Variants in ACER2 observed in about 807,000 individuals in gnomAD.
ACER2 encodes alkaline ceramidase 2, also known as alkCDase 2.
ACER2 carries 26 observed loss-of-function variants against 34.7 expected under a neutral mutation model. The observed-to-expected ratio is 0.75, with a 90% CI of 0.55 to 1.04. The LOEUF is 1.04. ACER2 is among the 50% of genes least tolerant of loss of function. The probability of loss-of-function intolerance (pLI) is 0.00; values close to 1 mark genes in which losing one functional copy is unlikely to be tolerated. For missense variants in ACER2, 352 were observed against 340.8 expected (o/e 1.03, Z -0.26); for synonymous variants, 138 against 132.1 (o/e 1.04, Z -0.31).
chr9:19,411,695 G>T (rs1445012644), intron 1 of ACER2, among the ~76,000 whole-genome samples: 3 of 152,192 alleles, frequency 2.0e-5, no homozygotes, highest in Non-Finnish European at 4.4e-5. Flanking sequence ...TAATTACCCA[G>T]TTTATAGGAA....
Position 19,409,025 on chromosome 9 carries a change from G to T in ACER2, c.-60G>T, listed in dbSNP as rs1830001843. On this transcript the variant is annotated 5_prime_UTR_variant, in exon 1 of 6. Transcript: ENST00000340967. ...CTGGCTGTCGCCGCGTTTTGCCTCC[G>T]CAGCAGCTCTGGGCTCTTCTCAGCT... 7.1e-7 allele frequency: 1 copy of T among 1,402,458 alleles called. No homozygotes were observed. The highest frequency in any genetic ancestry group is 2.7e-5 in the East Asian group (1 of 37,096). The allele number at this position is 1,402,458 out of a possible 1,614,324, so 86.9% of individuals were successfully genotyped here.
In ACER2 at chr9:19,423,527, C is replaced by A. The variant is rs577940232; in HGVS notation, c.109-335C>A. ...GACCAGCCCGGCCAACATGGTGAAA[C>A]CTCATCTTACTAAAAATACAAAGAT... On this transcript the variant is annotated intron_variant, in intron 1 of 5. Transcript: ENST00000340967. Among the ~76,000 whole-genome samples, 18 of 152,192 alleles carry A rather than the reference C, an allele frequency of 1.2e-4. No individual in the cohort carries two copies. In the South Asian group the frequency reaches 3.3e-3, roughly 28 times the overall value.
At chr9:19,412,646 G>C (rs1025522014) in intron 1 of ACER2, among the ~76,000 whole-genome samples, 10 of 125,274 alleles carry the variant, frequency 8.0e-5, no homozygotes, top group Non-Finnish European at 1.6e-4. Context: ...AACAGAGCAA[G>C]ATTCTGTCTC....
At chr9:19,447,814 CAT>C (rs1430069843) in intron 5 of ACER2, among the ~76,000 whole-genome samples, 1 of 152,010 alleles carries the variant, frequency 6.6e-6, no homozygotes, top group African/African-American at 2.4e-5. Flanking sequence ...TATAAAATGA[CAT>C]ATTTTTTATA....
At chr9:19,436,044 A>C (rs898599734) in intron 4 of ACER2, among the ~76,000 whole-genome samples, 4 of 151,924 alleles carry the variant, frequency 2.6e-5, no homozygotes, top group African/African-American at 9.7e-5. Flanking sequence ...GCGAGACTCT[A>C]TCTCAAAAAA....
chr9:19,426,353 T>G (rs1163869900), intron 3 of ACER2, among the ~76,000 whole-genome samples: 2 of 132,098 alleles, frequency 1.5e-5, no homozygotes, highest in Non-Finnish European at 3.1e-5. Context: ...TCTTTCTCCC[T>G]CTCTTTCTCT....
At position 19,422,705 on chromosome 9, in the gene ACER2, T is replaced by TA. The variant is rs564586669; in HGVS notation, c.109-1155dup. ...CCTTCATTAAACTTTTTTTTTTTTT[T>TA]AACCATTATTTAATACAGACCTTAT... On this transcript the variant is annotated intron_variant, in intron 1 of 5. Coordinates refer to ENST00000340967, the MANE Select transcript of ACER2 (RefSeq NM_001010887.3). Among the ~76,000 whole-genome samples, 642 of 151,520 alleles carry TA rather than the reference T, an allele frequency of 4.2e-3. 5 individuals carry two copies. The highest frequency in any genetic ancestry group is 0.015 in the African/African-American group (615 of 41,262).
rs565893629 is a variant in ACER2, at chr9:19,431,315, C to T, written c.366-3632C>T. ...GTTGAGTTACTTGCCAAAGGTCTCA[C>T]AGCTACTAAGCAATGGAGGCAGGAT... On this transcript the variant is annotated intron_variant, in intron 3 of 5. Coordinates refer to ENST00000340967, the MANE Select transcript of ACER2 (RefSeq NM_001010887.3). 2.6e-3 allele frequency among the ~76,000 whole-genome samples: 392 copies of T among 152,274 alleles called. 4 individuals are homozygous for T. The highest frequency in any genetic ancestry group is 9.0e-3 in the African/African-American group (375 of 41,560).
chr9:19,443,501 C>T (rs1831227507), intron 4 of ACER2, among the ~76,000 whole-genome samples: 2 of 152,132 alleles, frequency 1.3e-5, no homozygotes, highest in Admixed American at 1.3e-4. Flanking sequence ...ATGTTCTGCC[C>T]AAATTACAAA....
chr9:19,433,876 C>T (rs966200643), intron 3 of ACER2, among the ~76,000 whole-genome samples: 1 of 151,812 alleles, frequency 6.6e-6, no homozygotes, highest in Non-Finnish European at 1.5e-5. Flanking sequence ...AGGTGCCCCT[C>T]ACCTCCCGGA....
chr9:19,437,177 C>T (rs1378701330), intron 4 of ACER2, among the ~76,000 whole-genome samples: 6 of 152,184 alleles, frequency 3.9e-5, no homozygotes, highest in Non-Finnish European at 7.3e-5. Context: ...TTCATATTCC[C>T]AGCTATCTGC....
At chr9:19,415,952 A>G (rs1254406740) in intron 1 of ACER2, among the ~76,000 whole-genome samples, 1 of 152,122 alleles carries the variant, frequency 6.6e-6, no homozygotes. Flanking sequence ...AAGCTGCACG[A>G]TGGGAATGTT....
chr9:19,427,350 A>T (rs1017385232), intron 3 of ACER2, among the ~76,000 whole-genome samples: 2 of 152,226 alleles, frequency 1.3e-5, no homozygotes, highest in African/African-American at 4.8e-5. Flanking sequence ...AATAAAAGGT[A>T]CATGTTAAGG....
chr9:19,427,363 A>G (rs776065615), intron 3 of ACER2, among the ~76,000 whole-genome samples: 4 of 152,190 alleles, frequency 2.6e-5, no homozygotes, highest in Non-Finnish European at 5.9e-5. Context: ...TGTTAAGGGA[A>G]AAGTAAAAAA....
chr9:19,437,144 T>C (rs1831003358), intron 4 of ACER2, among the ~76,000 whole-genome samples: 1 of 152,236 alleles, frequency 6.6e-6, no homozygotes, highest in South Asian at 2.1e-4. Flanking sequence ...CAGTCCATCC[T>C]CGTCTCTTTC....
At chr9:19,416,500 A>G (rs1449161575) in intron 1 of ACER2, among the ~76,000 whole-genome samples, 1 of 152,034 alleles carries the variant, frequency 6.6e-6, no homozygotes, top group Non-Finnish European at 1.5e-5. Context: ...TTGTAAAACA[A>G]GGGATGGTTT....
intron 3 of ACER2, among the ~76,000 whole-genome samples, chr9:19,426,709 T>G (rs1481309441): frequency 1.3e-5 from 2 of 152,064 alleles, no homozygotes; most frequent in Non-Finnish European, 2.9e-5. Flanking sequence ...GAAAGTTGTT[T>G]GAGCAGGAAA....
At chr9:19,449,280 C>A (rs557423075) in intron 5 of ACER2, among the ~76,000 whole-genome samples, 2 of 152,328 alleles carry the variant, frequency 1.3e-5, no homozygotes, top group South Asian at 4.1e-4. Flanking sequence ...CCCATATAGG[C>A]AACACCCAGA....
At chr9:19,409,609 C>G (rs1333407953) in intron 1 of ACER2, among the ~76,000 whole-genome samples, 1 of 152,110 alleles carries the variant, frequency 6.6e-6, no homozygotes, top group Admixed American at 6.6e-5. Flanking sequence ...CCCTGAATAC[C>G]TGCTCTCGGA....
Sources: allele counts gnomAD v4.1 joint callset (sites outside exome capture counted in the v4.1 genomes callset), GRCh38; gene constraint gnomAD v4.1.1; transcripts MANE v1.5; gene names NCBI Gene and HGNC (gene_info 2026-07-23, HGNC 2026-07-21).